LZIC: variants seen among roughly 807,000 people sequenced by gnomAD.
LZIC encodes leucine zipper and CTNNBIP1 domain containing, also known as protein LZIC.
Under a neutral mutation model 25.4 loss-of-function variants are expected in LZIC, and 28 were observed. That is an observed-to-expected ratio of 1.10 (90% CI 0.82 to 1.51). LZIC has a LOEUF of 1.51. Ranked by LOEUF, LZIC falls within the 40% of genes most tolerant of loss-of-function variation. The probability of loss-of-function intolerance (pLI) is 0.00; values close to 1 mark genes in which losing one functional copy is unlikely to be tolerated. For missense variants in LZIC, 170 were observed against 211.1 expected (o/e 0.81, Z 1.21); for synonymous variants, 65 against 70.7 (o/e 0.92, Z 0.40).
In LZIC at chr1:9,935,518, C is replaced by T; in HGVS notation, c.211G>A (p.Val71Ile). 1 of 1,610,540 alleles carries T rather than the reference C, an allele frequency of 6.2e-7. No homozygotes were observed. Among genetic ancestry groups the T allele is most frequent in the Non-Finnish European group, 8.5e-7 (1 of 1,179,076 alleles). ...KKIMSGNMTL[V>I]DELSGMQLAI... ...AGCTGCATTCCACTTAGTTCATCTACCAAAGTCATATTTCCAGACATAATT... is the reference window on the plus strand; with the variant it reads ...AGCTGCATTCCACTTAGTTCATCTATCAAAGTCATATTTCCAGACATAATT... Residue 71 changes from valine (V) to isoleucine (I), a missense_variant, in exon 4 of 8, where the codon GTA becomes ATA. Transcript: ENST00000377223.
rs147742035 is a variant in LZIC at position 9,932,235 on chromosome 1, C to G, written c.433-263G>C. 3.5e-3 allele frequency: 1,123 copies of G among 316,728 alleles called. 28 individuals are homozygous for G. The Admixed American group carries it at 0.044, about 12-fold the overall frequency. The allele number at this position is 316,728 out of a possible 1,614,324, so 19.6% of individuals were successfully genotyped here. A position where few individuals can be genotyped will look rare whatever the true frequency, so the allele number is the denominator to read the frequency against. On this transcript the variant is annotated intron_variant, in intron 6 of 7. Coordinates refer to ENST00000377223, the MANE Select transcript of LZIC (RefSeq NM_032368.5). ...TGGTGCACGCCTGTAATCCCAGCTA[C>G]TCAGGAGGATGAGGCAGTAGAATTG...
chr1:9,935,720 G>C, intron 3 of LZIC, 93 bp from the exon 4 acceptor site: 1 of 1,183,136 alleles, frequency 8.5e-7, no homozygotes, highest in Non-Finnish European at 1.2e-6. Flanking sequence ...AGACTGAAGG[G>C]AAATATCAAA....
intron 2 of LZIC, among the ~76,000 whole-genome samples, chr1:9,938,206 T>C (rs1218262310): frequency 6.6e-6 from 1 of 152,170 alleles, no homozygotes; most frequent in Non-Finnish European, 1.5e-5. Context: ...CTCACTCTGT[T>C]GCCTAGGCTG....
chr1:9,940,734 A>G (rs1189889741), intron 2 of LZIC, among the ~76,000 whole-genome samples: 2 of 152,228 alleles, frequency 1.3e-5, no homozygotes, highest in Non-Finnish European at 2.9e-5. Flanking sequence ...ATGACAAAAA[A>G]TTACTACCTA....
Position 9,940,380 on chromosome 1 carries a change from C to T in LZIC, c.-9+2244G>A, listed in dbSNP as rs1158463683. The stretch of plus-strand genomic sequence containing the variant: ...TTTTTTAGTAGAGACGGGGTTTCAT[C>T]GTGTTAGCCAGGATGGTCTCGATCT... On this transcript the variant is annotated intron_variant, in intron 2 of 7. Transcript: ENST00000377223. 2.6e-5 allele frequency among the ~76,000 whole-genome samples: 4 copies of T among 152,190 alleles called. No homozygotes were observed. The East Asian group carries it at 7.8e-4, about 30-fold the overall frequency.
chr1:9,922,760 C>T (rs1433647987), downstream of LZIC, among the ~76,000 whole-genome samples: 1 of 152,208 alleles, frequency 6.6e-6, no homozygotes, highest in Non-Finnish European at 1.5e-5. Flanking sequence ...CCAGGTGACA[C>T]TTAGGACATT....
At chr1:9,933,071 G>A (rs1392762290) in intron 5 of LZIC, among the ~76,000 whole-genome samples, 173 bp from the exon 6 acceptor site, 1 of 151,610 alleles carries the variant, frequency 6.6e-6, no homozygotes, top group African/African-American at 2.4e-5. Flanking sequence ...TGGCTAACAC[G>A]GTGAAACCCC....
In LZIC at chr1:9,929,912, TCA is replaced by T; in HGVS notation, c.*485_*486del. On this transcript the variant is annotated 3_prime_UTR_variant, in exon 8 of 8. Coordinates refer to ENST00000377223, the MANE Select transcript of LZIC (RefSeq NM_032368.5). ...CAAAGTCGCTTGCTCTTTCTGGACC[TCA>T]GTTTCCTTGTTTGTAAAAACAGAAA... The T allele has an allele frequency of 1.0e-6, 1 of 954,028 alleles. No homozygotes were observed. Among genetic ancestry groups the T allele is most frequent in the Non-Finnish European group, 1.2e-6 (1 of 801,348 alleles). 59.1% of individuals were successfully genotyped at this position (954,028 alleles called of 1,614,324 possible).
chr1:9,930,495 T>G, intron 7 of LZIC, 38 bp from the exon 8 acceptor site: 10 of 1,608,412 alleles, frequency 6.2e-6, no homozygotes, highest in Non-Finnish European at 7.6e-6. Context: ...AAAGATTATT[T>G]CAAGTGCAGT....
Position 9,935,503 on chromosome 1 carries a change from C to A in LZIC, c.226G>T (p.Gly76Ter). Residue 76 changes from glycine to a stop codon, truncating the protein, a stop_gained, in exon 4 of 8, where the codon GGA (glycine) becomes TGA (stop). Transcript: ENST00000377223. LOFTEE classifies it high-confidence loss of function. ...TATGTTATACTTACCAGCTGCATTC[C>A]ACTTAGTTCATCTACCAAAGTCATA... ...GNMTLVDELS[G>*]MQLAIQAAIS... The A allele has an allele frequency of 6.2e-7, 1 of 1,604,274 alleles. No individual in the cohort carries two copies. The highest frequency in any genetic ancestry group is 8.5e-7 in the Non-Finnish European group (1 of 1,177,554).
chr1:9,932,924 T>A, intron 5 of LZIC, 26 bp from the exon 6 acceptor site: 1 of 1,441,636 alleles, frequency 6.9e-7, no homozygotes, highest in Non-Finnish European at 9.7e-7. Context: ...GCAAGGCATA[T>A]GTTACTTAAG....
At chr1:9,942,528 T>C (rs1044100084) in intron 2 of LZIC, 96 bp downstream of exon 2, 7 of 444,672 alleles carry the variant, frequency 1.6e-5, no homozygotes, top group African/African-American at 1.4e-4. Flanking sequence ...CACCACCTAG[T>C]AGTCACTAAA....
rs555161720 is a variant in LZIC at position 9,936,096 on chromosome 1, T to C, written c.101+423A>G. ...GTGGGCTGAGATCTCGCCACTGCAC[T>C]CCAGCCTGGGCAATACAGCAAGACT... On this transcript the variant is annotated intron_variant, in intron 3 of 7. Coordinates refer to ENST00000377223, the MANE Select transcript of LZIC (RefSeq NM_032368.5). Among the ~76,000 whole-genome samples, 101 of 146,084 alleles carry C rather than the reference T, an allele frequency of 6.9e-4. 1 individual carries two copies. Among genetic ancestry groups the C allele is most frequent in the Non-Finnish European group, 1.1e-3 (76 of 67,222 alleles).
intron 2 of LZIC, among the ~76,000 whole-genome samples, chr1:9,937,030 G>A (rs1040002446): frequency 5.3e-5 from 8 of 152,200 alleles, no homozygotes; most frequent in East Asian, 3.9e-4. Context: ...TTTGGAAGCC[G>A]AGGTGGGTGG....
rs1321322027 is a variant in LZIC at position 9,929,132 on chromosome 1, T to C, written c.*1267A>G. 1 of 209,332 alleles carries C rather than the reference T, an allele frequency of 4.8e-6. No homozygotes were observed. Among genetic ancestry groups the C allele is most frequent in the Non-Finnish European group, 8.3e-6 (1 of 120,466 alleles). The allele number at this position is 209,332 out of a possible 1,614,324, so 13.0% of individuals were successfully genotyped here. A position where few individuals can be genotyped will look rare whatever the true frequency, so the allele number is the denominator to read the frequency against. ...AGTGATGGTTGCACACCACTGTAAA[T>C]GTTCTGCCAACGAATGGTACACTTT... On this transcript the variant is annotated 3_prime_UTR_variant, in exon 8 of 8. Coordinates refer to ENST00000377223, the MANE Select transcript of LZIC (RefSeq NM_032368.5).
intron 2 of LZIC, among the ~76,000 whole-genome samples, chr1:9,939,368 T>TTC (rs1553122740): frequency 9.8e-5 from 5 of 50,844 alleles, no homozygotes; most frequent in South Asian, 1.0e-3. Context: ...GGCTTTTTTT[T>TTC]TTTTCTTTTT....
At chr1:9,941,981 A>C (rs1640767834) in intron 2 of LZIC, among the ~76,000 whole-genome samples, 1 of 151,934 alleles carries the variant, frequency 6.6e-6, no homozygotes, top group Non-Finnish European at 1.5e-5. Context: ...CAGTGGCGCG[A>C]TCTCGGCTCA....
chr1:9,937,721 G>A (rs1640520990), intron 2 of LZIC, among the ~76,000 whole-genome samples: 1 of 151,636 alleles, frequency 6.6e-6, no homozygotes, highest in Non-Finnish European at 1.5e-5. Flanking sequence ...GGTGGCGGAT[G>A]CCTCTAGTCC....
chr1:9,928,206 G>A lies in LZIC; in HGVS notation c.*2193C>T, dbSNP rs934504617. On this transcript the variant is annotated 3_prime_UTR_variant, in exon 8 of 8. Transcript: ENST00000377223. ...GCGCATGCCTTAATCCCAGCTACTC[G>A]GGAGGCTGAGGCAGGAGAATCGCTT... Among the ~76,000 whole-genome samples the A allele has an allele frequency of 1.3e-5, 2 of 152,018 alleles. No homozygotes were observed. The highest frequency in any genetic ancestry group is 1.5e-5 in the Non-Finnish European group (1 of 68,012).
Sources: gnomAD v4.1 joint callset for allele counts (sites outside exome capture counted in the v4.1 genomes callset) on GRCh38, gnomAD v4.1.1 for gene constraint, MANE v1.5 for transcripts, NCBI Gene and HGNC (gene_info 2026-07-23, HGNC 2026-07-21) for gene names.